Variants in GPATCH8 observed in about 807,000 individuals in gnomAD.
GPATCH8 encodes G patch domain-containing protein 8.
In GPATCH8, 18 loss-of-function variants were observed where a neutral mutation model predicts 118.3. The ratio of observed to expected loss-of-function variants is 0.15; its 90% CI spans 0.11 to 0.23. The LOEUF is 0.23. Among genes scored for constraint, GPATCH8 ranks in the 10% least tolerant of loss-of-function variants. GPATCH8 has a pLI of 1.00. For synonymous variants in GPATCH8, 659 were observed against 684.7 expected, an observed-to-expected ratio of 0.96 and a Z score of 0.59; for missense variants, 1,631 against 1,873.8, an observed-to-expected ratio of 0.87 and a Z score of 2.39.
intron 6 of GPATCH8, among the ~76,000 whole-genome samples, chr17:44,422,008 A>G (rs1194042307): frequency 6.6e-6 from 1 of 152,140 alleles, no homozygotes; most frequent in Admixed American, 6.6e-5. Context: ...TATAGGCATG[A>G]GCCACTGCAC....
chr17:44,414,658 T>C (rs2049609147), intron 6 of GPATCH8, among the ~76,000 whole-genome samples: 1 of 152,184 alleles, frequency 6.6e-6, no homozygotes, highest in East Asian at 1.9e-4. Flanking sequence ...ATTCTTAGAA[T>C]TGTGCAACTA....
At chr17:44,425,901 C>T (rs954415151) in intron 5 of GPATCH8, among the ~76,000 whole-genome samples, 1 of 152,018 alleles carries the variant, frequency 6.6e-6, no homozygotes, top group Non-Finnish European at 1.5e-5. Context: ...TGATTTTCTT[C>T]TTGGGTATCA....
intron 3 of GPATCH8, among the ~76,000 whole-genome samples, chr17:44,454,173 T>C (rs1196338855): frequency 6.6e-6 from 1 of 152,216 alleles, no homozygotes; most frequent in Non-Finnish European, 1.5e-5. Flanking sequence ...AGAAAAGGTC[T>C]TGCTCTGTTG....
chr17:44,452,635 C>G (rs894778650), intron 3 of GPATCH8, among the ~76,000 whole-genome samples: 3 of 152,190 alleles, frequency 2.0e-5, no homozygotes, highest in Non-Finnish European at 2.9e-5. Context: ...TTTTCCATCT[C>G]CATCCTCAGA....
intron 3 of GPATCH8, among the ~76,000 whole-genome samples, chr17:44,453,500 G>GGTGTGTGTGTTTGTGTGT (rs2051202556): frequency 7.0e-6 from 1 of 142,702 alleles, no homozygotes; most frequent in African/African-American, 2.7e-5. Flanking sequence ...GGTAGGTAGG[G>GGTGTGTGTGTTTGTGTGT]GTGTGTGTGT....
chr17:44,471,837 TCTTAAAA>T (rs1305854122), intron 2 of GPATCH8, among the ~76,000 whole-genome samples: 2 of 149,448 alleles, frequency 1.3e-5, no homozygotes, highest in South Asian at 2.1e-4. Flanking sequence ...TAGGAGTTTC[TCTTAAAA>T]CTTAAAATTT....
At chr17:44,406,153 G>T in intron 6 of GPATCH8, 102 bp from the exon 7 acceptor site, 1 of 848,726 alleles carries the variant, frequency 1.2e-6, no homozygotes, top group Non-Finnish European at 2.0e-6. Flanking sequence ...AACAGTCATG[G>T]TATTAGTGTT....
In GPATCH8 at chr17:44,399,079, A is replaced by T. The variant is rs1222422058; in HGVS notation, c.2998T>A (p.Ser1000Thr). ...CTCTTCCTGGAGCCTGATCTCTGGG[A>T]AGGGCTCCTGGTGCTGCGGCTGCGG... ...RDRSRSTRSP[S>T]QRSGSRKRSW... The change falls in exon 8 of 8, where the codon TCC becomes ACC. Residue 1000 changes from serine to threonine, a missense_variant. By Grantham distance (58) the Ser-to-Thr change is moderately conservative. Around this residue, in one of 8 missense-constraint regions of GPATCH8, gnomAD observed 922 missense variants for 879.7 expected, o/e 1.05. Coordinates refer to ENST00000591680, the MANE Select transcript of GPATCH8 (RefSeq NM_001002909.4). 6.2e-7 allele frequency: 1 copy of T among 1,613,898 alleles called. No individual in the cohort carries two copies. The highest frequency in any genetic ancestry group is 2.2e-5 in the East Asian group (1 of 44,868).
At chr17:44,402,189 G>T (rs1186713021) in intron 7 of GPATCH8, among the ~76,000 whole-genome samples, 1 of 150,154 alleles carries the variant, frequency 6.7e-6, no homozygotes, top group African/African-American at 2.4e-5. Flanking sequence ...CTGTGGTGGC[G>T]GGCGTCTGTA....
At chr17:44,423,293 G>C (rs1046475147) in intron 6 of GPATCH8, among the ~76,000 whole-genome samples, 14 of 152,270 alleles carry the variant, frequency 9.2e-5, no homozygotes, top group African/African-American at 3.4e-4. Context: ...AAGCTGTCTT[G>C]AATACAAGTC....
chr17:44,493,606 A>G (rs1969448436), intron 1 of GPATCH8, among the ~76,000 whole-genome samples: 1 of 152,194 alleles, frequency 6.6e-6, no homozygotes, highest in African/African-American at 2.4e-5. Flanking sequence ...ACAAGAAATC[A>G]GCCAGGCTCG....
At chr17:44,469,707 A>C (rs2144342813) in intron 2 of GPATCH8, among the ~76,000 whole-genome samples, 1 of 152,362 alleles carries the variant, frequency 6.6e-6, no homozygotes, top group South Asian at 2.1e-4. Flanking sequence ...GAACCCATGC[A>C]AACAAGTTGT....
intron 3 of GPATCH8, among the ~76,000 whole-genome samples, chr17:44,444,023 T>C (rs1476272745): frequency 6.6e-6 from 1 of 152,178 alleles, no homozygotes; most frequent in African/African-American, 2.4e-5. Flanking sequence ...AGTTTAATTA[T>C]GACCTAAACG....
At chr17:44,451,809 G>A (rs1348830838) in intron 3 of GPATCH8, among the ~76,000 whole-genome samples, 2 of 152,064 alleles carry the variant, frequency 1.3e-5, no homozygotes, top group African/African-American at 4.8e-5. Flanking sequence ...ACTTTTTCTG[G>A]CCTGAATAAC....
intron 2 of GPATCH8, among the ~76,000 whole-genome samples, chr17:44,472,861 A>G (rs1367372943): frequency 6.6e-6 from 1 of 151,534 alleles, no homozygotes; most frequent in Admixed American, 6.6e-5. Flanking sequence ...GCGCCCGGCT[A>G]ATTTTTGTAT....
chr17:44,474,871 G>T lies in GPATCH8; in HGVS notation c.78C>A (p.His26Gln). 1 of 1,577,962 alleles carries T rather than the reference G, an allele frequency of 6.3e-7. No homozygotes were observed. The highest frequency in any genetic ancestry group is 8.7e-7 in the Non-Finnish European group (1 of 1,147,412). ...CAAGTGACGCTTGTTCAATTTCCAA[G>T]TGTCCTTCCTCATACTGATCAAAGT... ...GNHFDQYEEG[H>Q]LEIEQASLDK... The change falls in exon 2 of 8, where the codon CAC becomes CAA. Residue 26 changes from histidine to glutamine, a missense_variant. By Grantham distance (24) the His-to-Gln change is conservative. Transcript: ENST00000591680.
At chr17:44,463,659 C>T (rs1268593489) in intron 3 of GPATCH8, among the ~76,000 whole-genome samples, 2 of 152,180 alleles carry the variant, frequency 1.3e-5, no homozygotes, top group Non-Finnish European at 2.9e-5. Flanking sequence ...GGATTACAGG[C>T]GTGAGCCACC....
intron 6 of GPATCH8, among the ~76,000 whole-genome samples, chr17:44,410,805 A>C (rs1419579945): frequency 6.6e-6 from 1 of 152,178 alleles, no homozygotes; most frequent in Admixed American, 6.5e-5. Context: ...TGGGATTTCC[A>C]TTACACCTTC....
chr17:44,474,918 T>C lies in GPATCH8; in HGVS notation c.46-15A>G. 2 of 1,327,446 alleles carry C rather than the reference T, an allele frequency of 1.5e-6. No individual in the cohort carries two copies. Among genetic ancestry groups the C allele is most frequent in the Non-Finnish European group, 1.1e-6 (1 of 919,606 alleles). 82.2% of individuals were successfully genotyped at this position (1,327,446 alleles called of 1,614,324 possible). A position where few individuals can be genotyped will look rare whatever the true frequency, so the allele number is the denominator to read the frequency against. ...AAGTGATTACCCTGAAAAAAGATGA[T>C]TACAGTTATTTTTCAAAAGCAGTTA... On this transcript the variant is annotated splice_polypyrimidine_tract_variant and intron_variant, in intron 1 of 7. Coordinates refer to ENST00000591680, the MANE Select transcript of GPATCH8 (RefSeq NM_001002909.4).
Sources: allele counts gnomAD v4.1 joint callset (sites outside exome capture counted in the v4.1 genomes callset), GRCh38; gene constraint gnomAD v4.1.1; regional missense constraint gnomAD v4.1.1; transcripts MANE v1.5; gene names NCBI Gene and HGNC (gene_info 2026-07-23, HGNC 2026-07-21).